The following KIF6 variants were observed in gnomAD, a reference collection of about 807,000 sequenced individuals.
KIF6 encodes kinesin family member 6.
In KIF6, 106 loss-of-function variants were observed where a neutral mutation model predicts 112.7. The ratio of observed to expected loss-of-function variants is 0.94; its 90% confidence interval spans 0.80 to 1.11. The LOEUF is 1.11. Among genes scored for constraint, KIF6 ranks in the 50% least tolerant of loss-of-function variants. The pLI is 0.00. For synonymous variants in KIF6, 339 were observed against 339.9 expected (o/e 1.00, Z 0.03); for missense variants, 929 against 964.0 (o/e 0.96, Z 0.48).
At chr6:39,696,708 G>A (rs1788560639) in intron 3 of KIF6, among the ~76,000 whole-genome samples, 1 of 151,644 alleles carries the variant, frequency 6.6e-6, no homozygotes, top group East Asian at 1.9e-4. Context: ...TAGGTGTCAG[G>A]CTGTAAATAC....
chr6:39,432,490 C>G (rs1771233222), intron 13 of KIF6, among the ~76,000 whole-genome samples: 1 of 152,172 alleles, frequency 6.6e-6, no homozygotes, highest in South Asian at 2.1e-4. Context: ...CCATCTGACA[C>G]CAATTTAATG....
At chr6:39,472,038 AC>A (rs1447766987) in intron 13 of KIF6, among the ~76,000 whole-genome samples, 1 of 152,096 alleles carries the variant, frequency 6.6e-6, no homozygotes, top group Non-Finnish European at 1.5e-5. Context: ...CCCAGGAGCC[AC>A]CCTTCCACTC....
At chr6:39,564,663 G>A (rs10484823) in intron 10 of KIF6, among the ~76,000 whole-genome samples, 36,907 of 152,070 alleles carry the variant, frequency 0.24, 5,424 homozygotes, top group African/African-American at 0.39. Context: ...GTTTCATGAG[G>A]TATCTTACAT....
chr6:39,657,263 G>A (rs371585506), intron 3 of KIF6, among the ~76,000 whole-genome samples: 2 of 136,278 alleles, frequency 1.5e-5, no homozygotes, highest in African/African-American at 3.7e-5. Flanking sequence ...AAAAAAAAAA[G>A]GTTTTATTCT....
intron 19 of KIF6, among the ~76,000 whole-genome samples, chr6:39,352,217 T>G (rs1764308579): frequency 6.6e-6 from 1 of 152,256 alleles, no homozygotes; most frequent in Non-Finnish European, 1.5e-5. Context: ...TCCTTATTAT[T>G]AACATTTTGT....
chr6:39,415,339 G>A (rs1328389), intron 15 of KIF6, among the ~76,000 whole-genome samples: 116,643 of 146,116 alleles, frequency 0.8, 46,853 homozygotes, highest in Middle Eastern at 0.91. Flanking sequence ...CAAATGGGAC[G>A]GTTAAATACA....
At chr6:39,680,690 T>C (rs1419252665) in intron 3 of KIF6, among the ~76,000 whole-genome samples, 1 of 151,964 alleles carries the variant, frequency 6.6e-6, no homozygotes, top group African/African-American at 2.4e-5. Flanking sequence ...AGACTAGAAA[T>C]AGGTGGTCAT....
chr6:39,535,914 C>A (rs1463945690), intron 13 of KIF6, among the ~76,000 whole-genome samples: 1 of 152,194 alleles, frequency 6.6e-6, no homozygotes, highest in Non-Finnish European at 1.5e-5. Context: ...CAAACTCACT[C>A]AAAACCGCTC....
chr6:39,660,619 T>A (rs1786083019), intron 3 of KIF6, among the ~76,000 whole-genome samples: 1 of 151,568 alleles, frequency 6.6e-6, no homozygotes, highest in Admixed American at 6.6e-5. Context: ...AAAAGCTAAA[T>A]TTTTTTTTGA....
chr6:39,508,484 T>C (rs1486956609), intron 13 of KIF6, among the ~76,000 whole-genome samples: 1 of 152,072 alleles, frequency 6.6e-6, no homozygotes, highest in Non-Finnish European at 1.5e-5. Context: ...TGACTGTATT[T>C]GGAGGAATGG....
intron 3 of KIF6, among the ~76,000 whole-genome samples, chr6:39,658,084 G>A (rs1319109201): frequency 6.6e-6 from 1 of 152,148 alleles, no homozygotes; most frequent in Admixed American, 6.5e-5. Flanking sequence ...AGAAGTTATG[G>A]CTCTCATAAT....
intron 10 of KIF6, among the ~76,000 whole-genome samples, chr6:39,552,946 G>C (rs917797477): frequency 6.6e-6 from 1 of 152,104 alleles, no homozygotes; most frequent in African/African-American, 2.4e-5. Context: ...AAAAGCTGAA[G>C]GCTGAGATTG....
At chr6:39,653,390 A>T in intron 3 of KIF6, among the ~76,000 whole-genome samples, 1 of 152,234 alleles carries the variant, frequency 6.6e-6, no homozygotes, top group East Asian at 1.9e-4. Context: ...AATAGGATTA[A>T]AAGAATAGAA....
At chr6:39,590,621 T>C (rs1781899081) in intron 7 of KIF6, among the ~76,000 whole-genome samples, 1 of 151,762 alleles carries the variant, frequency 6.6e-6, no homozygotes, top group Non-Finnish European at 1.5e-5. Flanking sequence ...CCAACTAATT[T>C]TGTATTTTTA....
intron 1 of KIF6, among the ~76,000 whole-genome samples, chr6:39,721,519 T>G (rs1239948482): frequency 1.3e-5 from 2 of 152,158 alleles, no homozygotes; most frequent in African/African-American, 2.4e-5. Flanking sequence ...TCTTCCTGGT[T>G]TCCTACTCCA....
Position 39,345,608 on chromosome 6 carries a change from C to T in KIF6, c.2321+92G>A, listed in dbSNP as rs772157647. Reference sequence around the variant, plus strand: ...GGGTTCTGTCTGTGTGGCTACTGGACGAGGGGCTTTTTCGGGGAGTAGACT... The same window carrying T: ...GGGTTCTGTCTGTGTGGCTACTGGATGAGGGGCTTTTTCGGGGAGTAGACT... On this transcript the variant is annotated intron_variant, in intron 21 of 22. Transcript: ENST00000287152. 1.5e-4 allele frequency: 151 copies of T among 1,030,884 alleles called. 1 individual carries two copies. The highest frequency in any genetic ancestry group is 1.3e-3 in the East Asian group (49 of 39,176). 63.9% of individuals were successfully genotyped at this position (1,030,884 alleles called of 1,614,324 possible). A position where few individuals can be genotyped will look rare whatever the true frequency, so the allele number is the denominator to read the frequency against.
chr6:39,512,430 C>T (rs973555476), intron 13 of KIF6, among the ~76,000 whole-genome samples: 2 of 152,136 alleles, frequency 1.3e-5, no homozygotes, highest in Non-Finnish European at 2.9e-5. Flanking sequence ...CTGGAGTCTC[C>T]AAGGCCTCCC....
chr6:39,591,728 G>A (rs1215886987), intron 7 of KIF6, among the ~76,000 whole-genome samples: 2 of 152,216 alleles, frequency 1.3e-5, no homozygotes, highest in African/African-American at 4.8e-5. Context: ...AGAGGCAGAG[G>A]TAGATTATTC....
chr6:39,649,720 TTAAAGAAAGAAAGAAA>T (rs1472761271), intron 3 of KIF6, among the ~76,000 whole-genome samples: 6 of 120,544 alleles, frequency 5.0e-5, no homozygotes, highest in African/African-American at 2.0e-4. Context: ...AACACTCTGA[TTAAAGAAAGAAAGAAA>T]GAAAGAAAGA....
Sources: allele counts gnomAD v4.1 joint callset (sites outside exome capture counted in the v4.1 genomes callset), GRCh38; gene constraint gnomAD v4.1.1; transcripts MANE v1.5; gene names NCBI Gene and HGNC (gene_info 2026-07-23, HGNC 2026-07-21).